The following COL24A1 variants were observed in gnomAD, a reference collection of about 807,000 sequenced individuals.
COL24A1 encodes the protein collagen type XXIV alpha 1 chain.
COL24A1 carries 224 observed loss-of-function variants against 253.9 expected under a neutral mutation model. That is an observed-to-expected ratio of 0.88 (90% CI 0.79 to 0.99). The LOEUF is 0.99. Ranked by LOEUF, COL24A1 falls within the 50% of genes least tolerant of loss-of-function variation. COL24A1 has a pLI of 0.00. For missense variants in COL24A1, 2,131 were observed against 2,068.5 expected, an observed-to-expected ratio of 1.03 and a Z score of -0.59; for synonymous variants, 685 against 673.7, an observed-to-expected ratio of 1.02 and a Z score of -0.26.
chr1:85,970,154 G>T, intron 22 of COL24A1, 73 bp downstream of exon 22: 2 of 1,277,976 alleles, frequency 1.6e-6, no homozygotes, highest in Non-Finnish European at 2.2e-6. Context: ...AAAATGTTAT[G>T]ATGTTAAAAA....
At chr1:86,053,726 T>C (rs1452516273) in intron 10 of COL24A1, among the ~76,000 whole-genome samples, 1 of 152,064 alleles carries the variant, frequency 6.6e-6, no homozygotes, top group African/African-American at 2.4e-5. Context: ...AAGAAGGGTT[T>C]AAAAATTATG....
chr1:85,797,411 A>T (rs1333995723), intron 47 of COL24A1, among the ~76,000 whole-genome samples: 1 of 152,156 alleles, frequency 6.6e-6, no homozygotes, highest in African/African-American at 2.4e-5. Flanking sequence ...AGGTGAGTGA[A>T]GGAGGTAATA....
chr1:85,737,354 T>G (rs1205421140), intron 58 of COL24A1, 42 bp downstream of exon 58: 1 of 1,195,894 alleles, frequency 8.4e-7, no homozygotes. Context: ...TCACTGATAC[T>G]GTGCAATATA....
At chr1:85,815,202 T>C (rs1376129600) in intron 47 of COL24A1, among the ~76,000 whole-genome samples, 1 of 152,172 alleles carries the variant, frequency 6.6e-6, no homozygotes, top group Non-Finnish European at 1.5e-5. Flanking sequence ...TAAAACTTAA[T>C]CCACAAAAAT....
At chr1:85,945,597 G>A (rs1689252950) in intron 24 of COL24A1, among the ~76,000 whole-genome samples, 1 of 148,310 alleles carries the variant, frequency 6.7e-6, no homozygotes, top group African/African-American at 2.5e-5. Context: ...TACTGCCACA[G>A]ATGCCAGATA....
chr1:86,125,191 T>C lies in COL24A1; in HGVS notation c.1145A>G (p.Asp382Gly), dbSNP rs1648062089. The C allele has an allele frequency of 1.2e-6, 2 of 1,613,554 alleles. No homozygotes were observed. Among genetic ancestry groups the C allele is most frequent in the Non-Finnish European group, 8.5e-7 (1 of 1,179,708 alleles). Reference sequence around the variant, plus strand: ...AAACAGTGACAGACCAGTTACTCTATCATCATGTTGTGTGATATTGTCAGA... The same window carrying C: ...AAACAGTGACAGACCAGTTACTCTACCATCATGTTGTGTGATATTGTCAGA... ...NMSDNITQHD[D>G]RVTGLSLFKK... The change falls in exon 3 of 60, where the codon GAT becomes GGT. Residue 382 changes from aspartate to glycine, a missense_variant. Transcript: ENST00000370571.
chr1:85,816,151 C>T (rs1382301257), intron 47 of COL24A1, among the ~76,000 whole-genome samples: 2 of 152,062 alleles, frequency 1.3e-5, no homozygotes, highest in African/African-American at 4.8e-5. Context: ...CACAGCAATG[C>T]TCCTTAGGGG....
chr1:86,024,322 G>A (rs956376778), intron 14 of COL24A1, among the ~76,000 whole-genome samples: 7 of 151,856 alleles, frequency 4.6e-5, no homozygotes, highest in East Asian at 1.9e-4. Flanking sequence ...GCGGAAACAC[G>A]TTTCATTCAT....
Position 86,126,115 on chromosome 1 carries a change from C to G in COL24A1, c.221G>C (p.Gly74Ala), listed in dbSNP as rs772815018. ...GACTCCTGATTCTGTTAAATGGACCCCCTGAGGTAACGGTGTAGATGCTGA... is the reference window on the plus strand; with the variant it reads ...GACTCCTGATTCTGTTAAATGGACCGCCTGAGGTAACGGTGTAGATGCTGA... ...VPSASTPLPQ[G>A]VHLTESGVIF... The change falls in exon 3 of 60, where the codon GGG (glycine) becomes GCG (alanine). Residue 74 changes from glycine to alanine, a missense_variant. By Grantham distance (60) the Gly-to-Ala change is moderately conservative (BLOSUM62 0). Coordinates refer to ENST00000370571, the MANE Select transcript of COL24A1 (RefSeq NM_152890.7). 2 of 1,612,536 alleles carry G rather than the reference C, an allele frequency of 1.2e-6. No homozygotes were observed. The highest frequency in any genetic ancestry group is 2.7e-5 in the African/African-American group (2 of 74,828).
chr1:85,877,129 C>A lies in COL24A1; in HGVS notation c.3023G>T (p.Gly1008Val). Residue 1008 changes from glycine to valine, a missense_variant, in exon 33 of 60, where the codon GGC (glycine) becomes GTC (valine). By Grantham distance (109) the Gly-to-Val change is moderately radical. Transcript: ENST00000370571. ...TAGCCACAAAAAATTTACCTCCATG[C>A]CCATTTCTCCAGGAGGTCCAACATC... ...QGDVGPPGEMGMEGPPGTEGE... is the reference protein window; with the variant it reads ...QGDVGPPGEMVMEGPPGTEGE... 6.2e-7 allele frequency: 1 copy of A among 1,605,062 alleles called. No homozygotes were observed. The highest frequency in any genetic ancestry group is 8.5e-7 in the Non-Finnish European group (1 of 1,175,946).
intron 24 of COL24A1, among the ~76,000 whole-genome samples, chr1:85,941,457 T>C (rs1242312128): frequency 6.6e-6 from 1 of 152,122 alleles, no homozygotes; most frequent in Non-Finnish European, 1.5e-5. Context: ...TTGAACCAAT[T>C]TGGGTTTCAC....
intron 19 of COL24A1, among the ~76,000 whole-genome samples, chr1:86,004,578 C>T (rs1016847831): frequency 1.4e-5 from 2 of 144,836 alleles, no homozygotes; most frequent in African/African-American, 5.5e-5. Context: ...AATCACTGAC[C>T]CATATGGAGT....
At chr1:86,066,557 T>G (rs1701506235) in intron 7 of COL24A1, among the ~76,000 whole-genome samples, 1 of 151,800 alleles carries the variant, frequency 6.6e-6, no homozygotes, top group African/African-American at 2.4e-5. Flanking sequence ...ATATCCTAAG[T>G]CCCCTTTCTA....
At chr1:86,024,045 C>T (rs1410009127) in intron 14 of COL24A1, among the ~76,000 whole-genome samples, 1 of 152,044 alleles carries the variant, frequency 6.6e-6, no homozygotes, top group Non-Finnish European at 1.5e-5. Context: ...GCATCCTAAG[C>T]CCTCTCTATT....
intron 47 of COL24A1, among the ~76,000 whole-genome samples, chr1:85,797,042 T>C (rs1451570468): frequency 7.0e-6 from 1 of 142,308 alleles, no homozygotes; most frequent in African/African-American, 2.6e-5. Flanking sequence ...CTACCAAAAA[T>C]ACAAAAAAAA....
intron 32 of COL24A1, among the ~76,000 whole-genome samples, chr1:85,880,115 C>G (rs2102645632): frequency 6.6e-6 from 1 of 152,318 alleles, no homozygotes; most frequent in Middle Eastern, 3.4e-3. Flanking sequence ...TTGTGAAGAA[C>G]TAATATCTCA....
chr1:85,840,698 T>C (rs1252684690), intron 42 of COL24A1, among the ~76,000 whole-genome samples: 1 of 152,150 alleles, frequency 6.6e-6, no homozygotes, highest in Non-Finnish European at 1.5e-5. Context: ...AGCTACTTTT[T>C]AGAGACCATG....
At position 85,744,710 on chromosome 1, in the gene COL24A1, C is replaced by T. The variant is rs546389407; in HGVS notation, c.4628G>A (p.Arg1543Gln). ...ACAGTTAAGTAAATCTTTGCAGATT[C>T]GTGCTGGGTTATCTCGTGTGCCAAG... ...NPLGTRDNPA[R>Q]ICKDLLNCEQ... is the part of the protein sequence containing the mutation. The change falls in exon 57 of 60, where the codon CGA becomes CAA. Residue 1543 changes from arginine to glutamine, a missense_variant. Coordinates refer to ENST00000370571, the MANE Select transcript of COL24A1 (RefSeq NM_152890.7). 85 of 1,608,374 alleles carry T rather than the reference C, an allele frequency of 5.3e-5. No individual in the cohort carries two copies. The East Asian group carries it at 1.0e-3, about 19-fold the overall frequency.
intron 5 of COL24A1, among the ~76,000 whole-genome samples, chr1:86,092,823 C>A (rs1334318128): frequency 1.3e-5 from 2 of 151,830 alleles, no homozygotes; most frequent in African/African-American, 4.8e-5. Flanking sequence ...CTCTAATCCA[C>A]AAAATTCTTT....
Sources: allele counts gnomAD v4.1 joint callset (sites outside exome capture counted in the v4.1 genomes callset), GRCh38; gene constraint gnomAD v4.1.1; transcripts MANE v1.5; gene names NCBI Gene and HGNC (gene_info 2026-07-23, HGNC 2026-07-21).